PRTG: variants seen among roughly 807,000 people sequenced by gnomAD.
The protein encoded by PRTG is protogenin.
PRTG carries 67 observed loss-of-function variants against 122.5 expected under a neutral mutation model. The observed-to-expected ratio is 0.55, with a 90% confidence interval of 0.45 to 0.67. PRTG has a LOEUF of 0.67. Ranked by LOEUF, PRTG falls within the 30% of genes least tolerant of loss-of-function variation. The pLI is 0.00. For missense variants in PRTG, 1,435 were observed against 1,415.4 expected (o/e 1.01, Z -0.22); for synonymous variants, 554 against 501.1 (o/e 1.11, Z -1.41).
chr15:55,734,281 T>C (rs2031338557), intron 2 of PRTG, among the ~76,000 whole-genome samples: 1 of 152,164 alleles, frequency 6.6e-6, no homozygotes, highest in South Asian at 2.1e-4. Context: ...TTCTGAGTAG[T>C]TTTAAAAGAC....
intron 2 of PRTG, among the ~76,000 whole-genome samples, chr15:55,707,499 G>T (rs117826077): frequency 1.3e-5 from 2 of 152,096 alleles, no homozygotes; most frequent in African/African-American, 4.8e-5. Context: ...TATTAAATGC[G>T]GAATGCATAC....
chr15:55,636,657 AC>A (rs909609914), intron 15 of PRTG, among the ~76,000 whole-genome samples: 29 of 149,860 alleles, frequency 1.9e-4, no homozygotes, highest in African/African-American at 7.1e-4. Context: ...TCTTTTTTTT[AC>A]CCCCCCGAGA....
chr15:55,624,400 A>G lies in PRTG; in HGVS notation c.3035T>C (p.Val1012Ala), dbSNP rs1027313433. ...NEVGKNLEGAVGNEESLMPMI... is the reference protein window; with the variant it reads ...NEVGKNLEGAAGNEESLMPMI... ...TGGCATTAAAGATTCTTCATTTCCT[A>G]CAGCTCCTTCCAGGTTCTTTCCTAC... is the stretch of plus-strand genomic sequence containing the variant. The change falls in exon 18 of 20, where the codon GTA becomes GCA. Residue 1012 changes from valine (V) to alanine (A), a missense_variant. Physicochemically the swap from Val to Ala is moderately conservative, Grantham distance 64. Transcript: ENST00000389286. 1.9e-6 allele frequency: 3 copies of G among 1,613,992 alleles called. No homozygotes were observed. In the African/African-American group the frequency reaches 4.0e-5, roughly 22 times the overall value.
Position 55,683,775 on chromosome 15 carries a change from A to G in PRTG, c.542+12T>C. 3.7e-6 allele frequency: 6 copies of G among 1,603,888 alleles called. No individual in the cohort carries two copies. The highest frequency in any genetic ancestry group is 5.1e-6 in the Non-Finnish European group (6 of 1,174,330). ...TCCCATATCATCTCCAAAGACAAAAATCTACATCTACCTGTCCATAGTCAT... is the reference window on the plus strand; with the variant it reads ...TCCCATATCATCTCCAAAGACAAAAGTCTACATCTACCTGTCCATAGTCAT... On this transcript the variant is annotated intron_variant, in intron 3 of 19. Transcript: ENST00000389286.
intron 11 of PRTG, among the ~76,000 whole-genome samples, chr15:55,644,357 G>GGA (rs1210555812): frequency 3.9e-5 from 6 of 152,046 alleles, no homozygotes; most frequent in African/African-American, 1.4e-4. Flanking sequence ...GAGTGTAGGT[G>GGA]GAGAGATAAT....
rs141070921 is a variant in PRTG, at chr15:55,701,163, T to C, written c.398-17232A>G. On this transcript the variant is annotated intron_variant, in intron 2 of 19. Transcript: ENST00000389286. ...ATGGAGTACCTGGAACTCTGATACA[T>C]TGTTGGTGGGATGCAAACTGGTACT... 3.2e-3 allele frequency among the ~76,000 whole-genome samples: 489 copies of C among 152,278 alleles called. 4 individuals carry two copies. Among genetic ancestry groups the C allele is most frequent in the African/African-American group, 6.7e-3 (278 of 41,564 alleles).
At chr15:55,640,053 A>G (rs1382673481) in intron 12 of PRTG, 2 of 643,130 alleles carry the variant, frequency 3.1e-6, no homozygotes, top group Admixed American at 6.3e-5. Context: ...ACAGGCATAC[A>G]TTCTAAGAAA....
intron 11 of PRTG, among the ~76,000 whole-genome samples, chr15:55,646,091 C>G (rs1033071197): frequency 1.3e-5 from 2 of 152,026 alleles, no homozygotes; most frequent in Non-Finnish European, 2.9e-5. Context: ...ACCGCAACCT[C>G]CTCCTCCCGC....
chr15:55,624,473 T>G lies in PRTG; in HGVS notation c.2962A>C (p.Thr988Pro), dbSNP rs770554182. Residue 988 changes from threonine (T) to proline (P), a missense_variant, in exon 18 of 20, where the codon ACT (threonine) becomes CCT (proline). Transcript: ENST00000389286. Reference protein sequence around the residue: ...SSASKTAQNGTQQLPRTSASL... With the variant: ...SSASKTAQNGPQQLPRTSASL... ...GCACTGGTACGAGGTAACTGTTGAG[T>G]TCCATTCTGTGCCGTCTTGGAAGCA... is the stretch of plus-strand genomic sequence containing the variant. 22 of 1,613,802 alleles carry G rather than the reference T, an allele frequency of 1.4e-5. No homozygotes were observed. The highest frequency in any genetic ancestry group is 1.9e-5 in the Non-Finnish European group (22 of 1,179,870).
chr15:55,662,751 G>A (rs1183935652), intron 11 of PRTG, among the ~76,000 whole-genome samples: 2 of 152,066 alleles, frequency 1.3e-5, no homozygotes, highest in Admixed American at 6.6e-5. Context: ...AGATTTGCTG[G>A]ATATGCCTCT....
chr15:55,729,057 T>C (rs575218648), intron 2 of PRTG, among the ~76,000 whole-genome samples: 11 of 152,312 alleles, frequency 7.2e-5, no homozygotes, highest in Admixed American at 3.9e-4. Flanking sequence ...AGACTGTACA[T>C]TGAAAACTAC....
At chr15:55,623,349 T>C (rs747272099) in intron 18 of PRTG, among the ~76,000 whole-genome samples, 1 of 152,046 alleles carries the variant, frequency 6.6e-6, no homozygotes, top group Non-Finnish European at 1.5e-5. Flanking sequence ...GGGCAGATCA[T>C]CTGAGGTCAG....
chr15:55,635,747 T>C (rs1249268068), intron 15 of PRTG, among the ~76,000 whole-genome samples: 1 of 152,176 alleles, frequency 6.6e-6, no homozygotes, highest in Non-Finnish European at 1.5e-5. Context: ...GAGTTTTATA[T>C]TACATGAACA....
intron 11 of PRTG, among the ~76,000 whole-genome samples, chr15:55,653,617 C>T (rs1325261086): frequency 2.0e-5 from 3 of 152,120 alleles, no homozygotes; most frequent in African/African-American, 4.8e-5. Flanking sequence ...GTATGTCCCA[C>T]CAAGCCCAGC....
At chr15:55,719,498 T>C (rs1318148975) in intron 2 of PRTG, among the ~76,000 whole-genome samples, 4 of 152,156 alleles carry the variant, frequency 2.6e-5, no homozygotes, top group African/African-American at 9.7e-5. Flanking sequence ...TTAAAGAACA[T>C]GTGCTCCAAG....
intron 2 of PRTG, chr15:55,738,807 G>C (rs2031517673): frequency 4.4e-6 from 1 of 227,686 alleles, no homozygotes; most frequent in African/African-American, 2.3e-5. Context: ...TAGGGAGGAA[G>C]GAAGGAAGGA....
chr15:55,706,693 G>A (rs1389438367), intron 2 of PRTG, among the ~76,000 whole-genome samples: 1 of 151,998 alleles, frequency 6.6e-6, no homozygotes, highest in Non-Finnish European at 1.5e-5. Flanking sequence ...TTGAGCCCAG[G>A]AGTTCGACGT....
At chr15:55,686,333 A>C (rs1379604419) in intron 2 of PRTG, among the ~76,000 whole-genome samples, 1 of 152,112 alleles carries the variant, frequency 6.6e-6, no homozygotes, top group Non-Finnish European at 1.5e-5. Flanking sequence ...CAATTGACAG[A>C]CTTCAAAATG....
chr15:55,719,961 G>A (rs2030750050), intron 2 of PRTG, among the ~76,000 whole-genome samples: 1 of 152,074 alleles, frequency 6.6e-6, no homozygotes, highest in African/African-American at 2.4e-5. Context: ...TCAGGAGGCT[G>A]AGGCAAGAGA....
Sources: allele counts gnomAD v4.1 joint callset (sites outside exome capture counted in the v4.1 genomes callset), GRCh38; gene constraint gnomAD v4.1.1; transcripts MANE v1.5; gene names NCBI Gene and HGNC (gene_info 2026-07-23, HGNC 2026-07-21).